Variants in ANXA6 observed in about 807,000 individuals in gnomAD.
ANXA6 encodes the protein 67 kDa calelectrin.
ANXA6 carries 71 observed loss-of-function variants against 95.4 expected under a neutral mutation model. That is an observed-to-expected ratio of 0.74 (90% CI 0.61 to 0.91). The LOEUF (loss-of-function observed/expected upper bound fraction) is 0.91. Ranked by LOEUF, ANXA6 falls within the 40% of genes least tolerant of loss-of-function variation. The pLI is 0.00. For missense variants in ANXA6, 830 were observed against 876.4 expected, an observed-to-expected ratio of 0.95 and a Z score of 0.67; for synonymous variants, 289 against 315.9, an observed-to-expected ratio of 0.91 and a Z score of 0.90.
At chr5:151,134,521 G>A (rs751425118) in intron 7 of ANXA6, 38 bp from the exon 8 acceptor site, 1 of 1,610,192 alleles carries the variant, frequency 6.2e-7, no homozygotes, top group African/African-American at 1.3e-5. Context: ...TTCAAACACT[G>A]CAAAGTCAGG....
intron 23 of ANXA6, among the ~76,000 whole-genome samples, chr5:151,108,140 T>C (rs1352545897): frequency 1.3e-5 from 2 of 151,860 alleles, no homozygotes; most frequent in Non-Finnish European, 2.9e-5. Context: ...ATATGTTAGG[T>C]GTGTGTGTCA....
At chr5:151,136,740 T>G (rs766874905) in intron 6 of ANXA6, among the ~76,000 whole-genome samples, 1 of 152,218 alleles carries the variant, frequency 6.6e-6, no homozygotes, top group Non-Finnish European at 1.5e-5. Flanking sequence ...GCAGGCCCTG[T>G]GTGATCCTGC....
intron 6 of ANXA6, among the ~76,000 whole-genome samples, chr5:151,136,827 C>T (rs954389933): frequency 6.6e-6 from 1 of 152,234 alleles, no homozygotes; most frequent in Non-Finnish European, 1.5e-5. Flanking sequence ...TTGCCGTGAC[C>T]TCTGTTGGAA....
At position 151,108,479 on chromosome 5, in the gene ANXA6, C is replaced by T. The variant is rs201027048; in HGVS notation, c.1756G>A (p.Val586Ile). The T allele has an allele frequency of 2.5e-6, 4 of 1,613,828 alleles. No individual in the cohort carries two copies. The highest frequency in any genetic ancestry group is 1.6e-4 in the Middle Eastern group (1 of 6,084). The part of the protein sequence containing the change: ...HTIKKEMSGD[V>I]RDAFVAIVQS... ...CCAATGGCCACAAATGCATCCCTGACATCCCCAGACATCTCCTTCTTGATG... is the reference window on the plus strand; with the variant it reads ...CCAATGGCCACAAATGCATCCCTGATATCCCCAGACATCTCCTTCTTGATG... Residue 586 changes from valine (V) to isoleucine (I), a missense_variant, in exon 23 of 26, where the codon GTC becomes ATC. By Grantham distance (29) the Val-to-Ile change is conservative (BLOSUM62 3). Coordinates refer to ENST00000354546, the MANE Select transcript of ANXA6 (RefSeq NM_001155.5).
chr5:151,146,537 AG>A (rs1229088975), intron 2 of ANXA6, among the ~76,000 whole-genome samples: 1 of 152,100 alleles, frequency 6.6e-6, no homozygotes, highest in Non-Finnish European at 1.5e-5. Flanking sequence ...GGATGGATGG[AG>A]TTTTATTATT....
At chr5:151,128,947 A>C (rs993653980) in intron 12 of ANXA6, among the ~76,000 whole-genome samples, 4 of 35,936 alleles carry the variant, frequency 1.1e-4, no homozygotes, top group African/African-American at 4.5e-4. Flanking sequence ...TCAGTCATCC[A>C]AAAAAAAAAA....
At chr5:151,112,908 C>G (rs985249782) in intron 20 of ANXA6, among the ~76,000 whole-genome samples, 2 of 152,164 alleles carry the variant, frequency 1.3e-5, no homozygotes, top group Non-Finnish European at 2.9e-5. Flanking sequence ...TGTATAATTT[C>G]ACTTACATGA....
intron 19 of ANXA6, 67 bp downstream of exon 19, chr5:151,117,691 G>A (rs897207926): frequency 1.4e-6 from 2 of 1,416,642 alleles, no homozygotes; most frequent in African/African-American, 1.4e-5. Flanking sequence ...CCTCCACTCA[G>A]TAAACCTTCC....
chr5:151,103,547 T>A (rs1764607642), intron 25 of ANXA6, 23 bp downstream of exon 25: 2 of 1,601,738 alleles, frequency 1.2e-6, no homozygotes, highest in African/African-American at 2.7e-5. Flanking sequence ...CGCTTCCTGC[T>A]AACCTCTAGC....
At position 151,131,886 on chromosome 5, in the gene ANXA6, C is replaced by T. The variant is rs75063498; in HGVS notation, c.736+590G>A. 0.014 allele frequency among the ~76,000 whole-genome samples: 2,157 copies of T among 152,258 alleles called. 100 individuals carry two copies. In the East Asian group the frequency reaches 0.17, roughly 12 times the overall value. On this transcript the variant is annotated intron_variant, in intron 10 of 25. Coordinates refer to ENST00000354546, the MANE Select transcript of ANXA6 (RefSeq NM_001155.5). ...CCATCCTTCCTGCCCCCACACCCTGCACCCCACTTAACAGATGAGGAAACT... is the reference window on the plus strand; with the variant it reads ...CCATCCTTCCTGCCCCCACACCCTGTACCCCACTTAACAGATGAGGAAACT...
chr5:151,134,062 G>A (rs1255426883), intron 8 of ANXA6, among the ~76,000 whole-genome samples: 1 of 152,194 alleles, frequency 6.6e-6, no homozygotes, highest in African/African-American at 2.4e-5. Flanking sequence ...AGGTGTTTGT[G>A]TGATTAATGT....
At chr5:151,132,380 T>A in intron 10 of ANXA6, 96 bp downstream of exon 10, 2 of 941,458 alleles carry the variant, frequency 2.1e-6, no homozygotes, top group Non-Finnish European at 3.2e-6. Context: ...CCCAATTCTA[T>A]ACCATGTAAT....
intron 18 of ANXA6, 115 bp downstream of exon 18, chr5:151,119,185 A>G: frequency 1.2e-6 from 1 of 849,414 alleles, no homozygotes. Flanking sequence ...TCAAATCCTC[A>G]AGGACTGAGG....
intron 7 of ANXA6, 23 bp downstream of exon 7, chr5:151,136,232 GA>G (rs757761031): frequency 1.9e-6 from 3 of 1,612,364 alleles, no homozygotes; most frequent in Non-Finnish European, 2.5e-6. Flanking sequence ...AGCTCCAGAG[GA>G]AAAAAATAGG....
At chr5:151,110,672 G>A (rs374371030) in intron 20 of ANXA6, 28 bp from the exon 21 acceptor site, 7 of 1,612,924 alleles carry the variant, frequency 4.3e-6, no homozygotes, top group African/African-American at 4.0e-5. Context: ...AGAGAGGAGG[G>A]AGAGAAGGGA....
intron 20 of ANXA6, among the ~76,000 whole-genome samples, chr5:151,111,361 C>G (rs1431914617): frequency 6.6e-6 from 1 of 152,214 alleles, no homozygotes; most frequent in African/African-American, 2.4e-5. Flanking sequence ...GCCGTTCCCC[C>G]AGAAACTCTG....
intron 24 of ANXA6, among the ~76,000 whole-genome samples, 184 bp downstream of exon 24, chr5:151,105,061 G>A (rs1261866973): frequency 6.6e-6 from 1 of 152,210 alleles, no homozygotes; most frequent in Non-Finnish European, 1.5e-5. Flanking sequence ...GGGGAAGGCG[G>A]GGGAAATCAC....
chr5:151,111,755 A>T (rs1338438975), intron 20 of ANXA6, among the ~76,000 whole-genome samples: 1 of 145,014 alleles, frequency 6.9e-6, no homozygotes, highest in Non-Finnish European at 1.5e-5. Flanking sequence ...CATCCAGCTA[A>T]TTTTTTTATT....
intron 1 of ANXA6, among the ~76,000 whole-genome samples, chr5:151,154,106 A>G (rs566586976): frequency 6.6e-6 from 1 of 152,048 alleles, no homozygotes; most frequent in Non-Finnish European, 1.5e-5. Flanking sequence ...AGAGAGGTTA[A>G]GTCACTTACC....
Sources: gnomAD v4.1 joint callset for allele counts (sites outside exome capture counted in the v4.1 genomes callset) on GRCh38, gnomAD v4.1.1 for gene constraint, MANE v1.5 for transcripts, NCBI Gene and HGNC (gene_info 2026-07-23, HGNC 2026-07-21) for gene names.